GPC5: variants seen among roughly 807,000 people sequenced by gnomAD.
GPC5 encodes the protein glypican-5.
Under a neutral mutation model 53.9 loss-of-function variants are expected in GPC5, and 47 were observed. The ratio of observed to expected loss-of-function variants is 0.87; its 90% CI spans 0.69 to 1.11. The LOEUF (loss-of-function observed/expected upper bound fraction) is 1.11, where lower values mean the gene tolerates loss of function less well. Among genes scored for constraint, GPC5 ranks in the 50% most tolerant of loss-of-function variants. The pLI, the probability that GPC5 is intolerant of heterozygous loss-of-function variation, is 0.00. For missense variants in GPC5, 748 were observed against 713.1 expected (o/e 1.05, Z -0.56); for synonymous variants, 286 against 263.3 (o/e 1.09, Z -0.84).
intron 2 of GPC5, among the ~76,000 whole-genome samples, chr13:91,470,331 A>G (rs1317907650): frequency 6.6e-6 from 1 of 152,164 alleles, no homozygotes; most frequent in Non-Finnish European, 1.5e-5. Context: ...GTCCTTTCAA[A>G]GGTTAGAAAA....
Position 91,399,152 on chromosome 13 carries a change from CT to C in GPC5, c.110del (p.Phe37SerfsTer60). The C allele has an allele frequency of 6.2e-7, 1 of 1,613,638 alleles. No individual in the cohort carries two copies. Among genetic ancestry groups the C allele is most frequent in the Non-Finnish European group, 8.5e-7 (1 of 1,179,874 alleles). The stretch of plus-strand genomic sequence containing the variant: ...GCAGACCTGCGAAGAAGTTCGGAAA[CT>C]TTTCCAGTGGCGGCTGCTGGGAGCT... ...GVQTCEEVRK[L>X]FQWRLLGAVR... On this transcript the variant is annotated frameshift_variant, in exon 1 of 8. Coordinates refer to ENST00000377067, the MANE Select transcript of GPC5 (RefSeq NM_004466.6). LOFTEE classifies it high-confidence loss of function.
intron 7 of GPC5, among the ~76,000 whole-genome samples, chr13:92,414,407 A>G (rs7317334): frequency 0.36 from 55,094 of 151,560 alleles, 10,281 homozygotes; most frequent in Non-Finnish European, 0.39. Flanking sequence ...TGGGAGGCTG[A>G]GACAGGAGAA....
intron 7 of GPC5, among the ~76,000 whole-genome samples, chr13:92,577,526 A>G (rs1438241203): frequency 1.3e-5 from 2 of 151,816 alleles, no homozygotes; most frequent in Admixed American, 6.6e-5. Context: ...GTCATAGACT[A>G]ACTAAACCAA....
intron 2 of GPC5, among the ~76,000 whole-genome samples, chr13:91,595,328 A>G (rs1411409548): frequency 6.6e-6 from 1 of 152,054 alleles, no homozygotes; most frequent in Non-Finnish European, 1.5e-5. Context: ...AATTTTTTTA[A>G]CAGACTTTTA....
chr13:92,066,996 G>C (rs1437142211), intron 6 of GPC5, among the ~76,000 whole-genome samples: 1 of 151,980 alleles, frequency 6.6e-6, no homozygotes, highest in Non-Finnish European at 1.5e-5. Flanking sequence ...GCAATATTAA[G>C]GCTGTAGCCG....
intron 2 of GPC5, among the ~76,000 whole-genome samples, chr13:91,549,607 C>G (rs1162758061): frequency 6.6e-6 from 1 of 152,050 alleles, no homozygotes; most frequent in Non-Finnish European, 1.5e-5. Context: ...AAGACCTTAC[C>G]AGAGACTTCA....
chr13:91,720,788 A>C (rs1326196724), intron 3 of GPC5, among the ~76,000 whole-genome samples: 1 of 152,186 alleles, frequency 6.6e-6, no homozygotes, highest in Admixed American at 6.5e-5. Context: ...TCATGTGCCC[A>C]GTCGCTTCAG....
intron 7 of GPC5, among the ~76,000 whole-genome samples, chr13:92,859,478 C>T (rs976667026): frequency 1.3e-5 from 2 of 151,778 alleles, no homozygotes; most frequent in Non-Finnish European, 2.9e-5. Context: ...ACTTTAAGTC[C>T]ATATTATCAC....
intron 1 of GPC5, among the ~76,000 whole-genome samples, chr13:91,445,460 C>A (rs1202310817): frequency 6.6e-6 from 1 of 152,034 alleles, no homozygotes; most frequent in Non-Finnish European, 1.5e-5. Flanking sequence ...GCAATTTAAG[C>A]CTTATCAGTT....
chr13:91,802,064 G>C (rs1221712918), intron 5 of GPC5, among the ~76,000 whole-genome samples: 3 of 152,194 alleles, frequency 2.0e-5, no homozygotes, highest in African/African-American at 7.2e-5. Context: ...AGATCTTATA[G>C]AGCAATATTT....
chr13:91,520,832 C>A (rs1253257333), intron 2 of GPC5, among the ~76,000 whole-genome samples: 1 of 151,912 alleles, frequency 6.6e-6, no homozygotes, highest in East Asian at 1.9e-4. Flanking sequence ...TCAACACTTG[C>A]TAAACTAGAA....
chr13:92,041,765 C>T (rs1162208368), intron 6 of GPC5, among the ~76,000 whole-genome samples: 1 of 152,200 alleles, frequency 6.6e-6, no homozygotes, highest in Admixed American at 6.5e-5. Flanking sequence ...CATTCTTCAA[C>T]ATGAAACAAC....
intron 7 of GPC5, among the ~76,000 whole-genome samples, chr13:92,598,405 G>A (rs1368077537): frequency 6.7e-6 from 1 of 150,102 alleles, no homozygotes; most frequent in Non-Finnish European, 1.5e-5. Flanking sequence ...TTTTTACGTT[G>A]TATCTGACTC....
At chr13:91,432,065 T>C (rs956905062) in intron 1 of GPC5, among the ~76,000 whole-genome samples, 8 of 152,144 alleles carry the variant, frequency 5.3e-5, no homozygotes, top group Admixed American at 1.3e-4. Context: ...TTGTTGGTTA[T>C]TGAGATAGTC....
At chr13:92,777,198 T>C (rs1875843302) in intron 7 of GPC5, among the ~76,000 whole-genome samples, 1 of 150,248 alleles carries the variant, frequency 6.7e-6, no homozygotes, top group Admixed American at 6.6e-5. Flanking sequence ...TAGCCGGGCA[T>C]GGAGGTGCAT....
chr13:92,641,740 TATC>T (rs1221300837), intron 7 of GPC5, among the ~76,000 whole-genome samples: 4 of 152,196 alleles, frequency 2.6e-5, no homozygotes, highest in Middle Eastern at 3.2e-3. Flanking sequence ...TGTTCCCAGG[TATC>T]ATAGAAATGG....
intron 2 of GPC5, among the ~76,000 whole-genome samples, chr13:91,480,922 T>C (rs1174732373): frequency 1.3e-5 from 2 of 151,974 alleles, no homozygotes; most frequent in Non-Finnish European, 2.9e-5. Flanking sequence ...GCAGTCCCCA[T>C]TGAGACAGTG....
chr13:91,738,771 A>G (rs1049420058), intron 4 of GPC5, among the ~76,000 whole-genome samples: 1 of 151,420 alleles, frequency 6.6e-6, no homozygotes, highest in African/African-American at 2.5e-5. Flanking sequence ...AATATAAGAA[A>G]CTTAGGATAG....
At chr13:91,871,535 T>C (rs2039144664) in intron 5 of GPC5, among the ~76,000 whole-genome samples, 1 of 152,078 alleles carries the variant, frequency 6.6e-6, no homozygotes, top group Admixed American at 6.6e-5. Flanking sequence ...TATATAGCAA[T>C]AGTGCATAGT....
Sources: allele counts gnomAD v4.1 joint callset (sites outside exome capture counted in the v4.1 genomes callset), GRCh38; gene constraint gnomAD v4.1.1; transcripts MANE v1.5; gene names NCBI Gene and HGNC (gene_info 2026-07-23, HGNC 2026-07-21).